The following SCFD2 variants were observed in gnomAD, a reference collection of about 807,000 sequenced individuals.
SCFD2 encodes sec1 family domain containing 2, also known as sec1 family domain-containing protein 2.
Under a neutral mutation model 58.9 loss-of-function variants are expected in SCFD2, and 54 were observed. The ratio of observed to expected loss-of-function variants is 0.92; its 90% CI spans 0.74 to 1.15. The LOEUF is 1.15. Among genes scored for constraint, SCFD2 ranks in the 50% most tolerant of loss-of-function variants. The pLI, the probability that SCFD2 is intolerant of heterozygous loss-of-function variation, is 0.00. For synonymous variants in SCFD2, 321 were observed against 335.9 expected, an observed-to-expected ratio of 0.96 and a Z score of 0.49; for missense variants, 805 against 836.6, an observed-to-expected ratio of 0.96 and a Z score of 0.47.
rs534592669 is a variant in SCFD2, at chr4:52,907,735, T to C, written c.1708-144A>G. 21 of 698,918 alleles carry C rather than the reference T, an allele frequency of 3.0e-5. No individual in the cohort carries two copies. The South Asian group carries it at 3.4e-4, about 11-fold the overall frequency. The allele number at this position is 698,918 out of a possible 1,614,324, so 43.3% of individuals were successfully genotyped here. On this transcript the variant is annotated intron_variant, in intron 6 of 8. Transcript: ENST00000401642. ...GTGTGTGTGTGTGTGTGTGTGTGTG[T>C]GTGTGTGTCACAGAAAAGACAATAT...
intron 4 of SCFD2, among the ~76,000 whole-genome samples, chr4:53,239,585 AG>A (rs1473819354): frequency 6.6e-6 from 1 of 152,116 alleles, no homozygotes; most frequent in East Asian, 1.9e-4. Flanking sequence ...CCTGGGTTCA[AG>A]TGATTCTCCT....
At chr4:53,278,958 G>A (rs1731426366) in intron 3 of SCFD2, among the ~76,000 whole-genome samples, 1 of 148,988 alleles carries the variant, frequency 6.7e-6, no homozygotes, top group African/African-American at 2.5e-5. Context: ...AAAGCAAATG[G>A]AAATCAACTA....
intron 5 of SCFD2, among the ~76,000 whole-genome samples, chr4:53,138,880 C>G (rs377044441): frequency 1.4e-5 from 2 of 147,166 alleles, no homozygotes; most frequent in African/African-American, 5.0e-5. Context: ...CCCTCCCTCT[C>G]GTCTCCGTCT....
At chr4:53,220,651 C>G (rs1034627032) in intron 4 of SCFD2, among the ~76,000 whole-genome samples, 1 of 152,146 alleles carries the variant, frequency 6.6e-6, no homozygotes, top group African/African-American at 2.4e-5. Flanking sequence ...GCATTAGATA[C>G]AATAAAGCAG....
intron 5 of SCFD2, among the ~76,000 whole-genome samples, chr4:53,085,694 C>A (rs1292153539): frequency 6.6e-6 from 1 of 151,988 alleles, no homozygotes; most frequent in Non-Finnish European, 1.5e-5. Context: ...GACACATAGA[C>A]CAATGAAACA....
rs767387672 is a variant in SCFD2, at chr4:53,273,845, A to G, written c.1292T>C (p.Phe431Ser). 2.5e-5 allele frequency: 40 copies of G among 1,613,142 alleles called. No homozygotes were observed. Among genetic ancestry groups the G allele is most frequent in the Admixed American group, 3.3e-5 (2 of 59,910 alleles). The stretch of plus-strand genomic sequence containing the variant: ...ACATACCTGAAGAAGGAGCCTTTCA[A>G]AAGCCAGAAAGTTGTCCCACTTGGC... ...QTAKWDNFLA[F>S]ERLLLQSIGE... Residue 431 changes from phenylalanine to serine, a missense_variant, in exon 4 of 9, where the codon TTT becomes TCT. Coordinates refer to ENST00000401642, the MANE Select transcript of SCFD2 (RefSeq NM_152540.4).
At chr4:53,249,547 G>C (rs1034447368) in intron 4 of SCFD2, among the ~76,000 whole-genome samples, 1 of 152,192 alleles carries the variant, frequency 6.6e-6, no homozygotes, top group Non-Finnish European at 1.5e-5. Context: ...GTTAAGGGCA[G>C]CCAGAGAGAA....
chr4:53,233,309 G>C (rs1381265853), intron 4 of SCFD2, among the ~76,000 whole-genome samples: 2 of 152,140 alleles, frequency 1.3e-5, no homozygotes, highest in East Asian at 3.8e-4. Context: ...AGTTAGTGTA[G>C]GGAAGCACAA....
intron 5 of SCFD2, among the ~76,000 whole-genome samples, chr4:53,126,506 GGGTTT>G (rs1725633282): frequency 1.3e-5 from 2 of 152,160 alleles, no homozygotes; most frequent in Non-Finnish European, 2.9e-5. Flanking sequence ...AGTAGAGACA[GGGTTT>G]TGCCATGTTG....
At chr4:53,167,314 G>C (rs1027329066) in intron 4 of SCFD2, among the ~76,000 whole-genome samples, 2 of 152,068 alleles carry the variant, frequency 1.3e-5, no homozygotes, top group African/African-American at 4.8e-5. Context: ...TTCTCATTAG[G>C]CTAATGTGTC....
intron 3 of SCFD2, 62 bp downstream of exon 3, chr4:53,313,574 A>G: frequency 6.3e-7 from 1 of 1,599,950 alleles, no homozygotes; most frequent in African/African-American, 1.3e-5. Flanking sequence ...CTTGGCCCAC[A>G]ATTCAGAACA....
intron 2 of SCFD2, among the ~76,000 whole-genome samples, chr4:53,340,718 G>A (rs760933173): frequency 2.0e-5 from 3 of 152,168 alleles, no homozygotes; most frequent in Non-Finnish European, 4.4e-5. Flanking sequence ...CCCAATAGGG[G>A]GCGACGGACA....
chr4:52,976,342 G>T (rs922278269), intron 5 of SCFD2, among the ~76,000 whole-genome samples: 1 of 152,128 alleles, frequency 6.6e-6, no homozygotes, highest in Non-Finnish European at 1.5e-5. Flanking sequence ...AAAGGGAATT[G>T]TTAGGGGAGG....
intron 7 of SCFD2, 98 bp downstream of exon 7, chr4:52,907,359 T>C: frequency 1.7e-6 from 2 of 1,156,698 alleles, no homozygotes; most frequent in Non-Finnish European, 2.5e-6. Flanking sequence ...AAATGTTATC[T>C]GTATGGTGCT....
chr4:53,016,971 G>T (rs1234868746), intron 5 of SCFD2, among the ~76,000 whole-genome samples: 1 of 152,210 alleles, frequency 6.6e-6, no homozygotes, highest in East Asian at 1.9e-4. Flanking sequence ...AGCCAGGCGT[G>T]GTGGTGCACA....
intron 3 of SCFD2, among the ~76,000 whole-genome samples, chr4:53,309,285 G>A (rs1026259631): frequency 1.3e-5 from 2 of 152,148 alleles, no homozygotes; most frequent in African/African-American, 2.4e-5. Context: ...GTAAAAAGTA[G>A]GAAAGGCTTG....
At chr4:53,073,486 T>TA (rs1252714436) in intron 5 of SCFD2, among the ~76,000 whole-genome samples, 1 of 152,168 alleles carries the variant, frequency 6.6e-6, no homozygotes, top group East Asian at 1.9e-4. Flanking sequence ...CAGCAGTAAA[T>TA]ACCACCTGAA....
At chr4:52,895,868 A>G (rs886604588) in intron 7 of SCFD2, among the ~76,000 whole-genome samples, 5 of 152,170 alleles carry the variant, frequency 3.3e-5, no homozygotes, top group Non-Finnish European at 7.3e-5. Flanking sequence ...CTGGTGTGAG[A>G]TGATATCTCA....
intron 1 of SCFD2, among the ~76,000 whole-genome samples, chr4:53,354,099 G>C (rs1734325555): frequency 6.6e-6 from 1 of 152,258 alleles, no homozygotes; most frequent in Non-Finnish European, 1.5e-5. Context: ...TCGGCCCTTG[G>C]GCCGTCGATG....
Sources: allele counts gnomAD v4.1 joint callset (sites outside exome capture counted in the v4.1 genomes callset), GRCh38; gene constraint gnomAD v4.1.1; transcripts MANE v1.5; gene names NCBI Gene and HGNC (gene_info 2026-07-23, HGNC 2026-07-21).